The following RAP1GDS1 variants were observed in gnomAD, a reference collection of about 807,000 sequenced individuals.
RAP1GDS1 encodes the protein Rap1 GTPase-GDP dissociation stimulator 1.
Under a neutral mutation model 71.1 loss-of-function variants are expected in RAP1GDS1, and 35 were observed. That is an observed-to-expected ratio of 0.49 (90% CI 0.38 to 0.65). The LOEUF (loss-of-function observed/expected upper bound fraction) is 0.65, where lower values mean the gene tolerates loss of function less well. Ranked by LOEUF, RAP1GDS1 falls within the 30% of genes least tolerant of loss-of-function variation. The pLI, the probability that RAP1GDS1 is intolerant of heterozygous loss-of-function variation, is 0.00. For missense variants in RAP1GDS1, 663 were observed against 706.1 expected (o/e 0.94, Z 0.69); for synonymous variants, 229 against 243.1 (o/e 0.94, Z 0.54).
intron 4 of RAP1GDS1, among the ~76,000 whole-genome samples, chr4:98,370,568 C>CT (rs199686711): frequency 0.12 from 16,453 of 141,576 alleles, 1,253 homozygotes; most frequent in East Asian, 0.4. Flanking sequence ...TGCATTAAAG[C>CT]TTTTTTTTTT....
intron 4 of RAP1GDS1, among the ~76,000 whole-genome samples, chr4:98,355,745 T>TAA (rs1737864613): frequency 6.6e-6 from 1 of 152,204 alleles, no homozygotes; most frequent in Admixed American, 6.5e-5. Flanking sequence ...ATTTCAGTTT[T>TAA]ACCAGCCTTG....
At chr4:98,288,072 G>T (rs1054314156) in intron 1 of RAP1GDS1, among the ~76,000 whole-genome samples, 1 of 151,930 alleles carries the variant, frequency 6.6e-6, no homozygotes, top group Non-Finnish European at 1.5e-5. Context: ...GGGTACATGT[G>T]CACAACATGC....
chr4:98,418,666 G>A lies in RAP1GDS1; in HGVS notation c.1049G>A (p.Cys350Tyr). Residue 350 changes from cysteine (C) to tyrosine (Y), a missense_variant, in exon 10 of 15, where the codon TGT becomes TAT. Coordinates refer to ENST00000408927, the MANE Select transcript of RAP1GDS1 (RefSeq NM_001100427.2). ...IANFARNDAN[C>Y]IHMVDNGIVE... is the part of the protein sequence containing the mutation. Reference sequence around the variant, plus strand: ...GTGTTTTTTTTTTCAGATGCAAATTGTATTCATATGGTAGACAATGGGATT... The same window carrying A: ...GTGTTTTTTTTTTCAGATGCAAATTATATTCATATGGTAGACAATGGGATT... 6.3e-7 allele frequency: 1 copy of A among 1,584,660 alleles called. No individual in the cohort carries two copies. The highest frequency in any genetic ancestry group is 8.6e-7 in the Non-Finnish European group (1 of 1,169,328).
At chr4:98,438,820 C>T (rs1751516188) in intron 14 of RAP1GDS1, among the ~76,000 whole-genome samples, 1 of 151,828 alleles carries the variant, frequency 6.6e-6, no homozygotes, top group Non-Finnish European at 1.5e-5. Context: ...ATACTGAACT[C>T]CTGACCACCC....
intron 4 of RAP1GDS1, among the ~76,000 whole-genome samples, chr4:98,377,933 A>G (rs1423612216): frequency 6.6e-6 from 1 of 151,888 alleles, no homozygotes; most frequent in Non-Finnish European, 1.5e-5. Context: ...GTAAGGGTAT[A>G]AAACACTTGG....
At chr4:98,416,461 C>T (rs1748037982) in intron 7 of RAP1GDS1, among the ~76,000 whole-genome samples, 5 of 150,026 alleles carry the variant, frequency 3.3e-5, no homozygotes. Context: ...ATTCTCCTGC[C>T]TCAGCCTCCT....
intron 7 of RAP1GDS1, among the ~76,000 whole-genome samples, chr4:98,406,116 C>T (rs574024760): frequency 1.3e-5 from 2 of 151,618 alleles, no homozygotes; most frequent in Non-Finnish European, 2.9e-5. Flanking sequence ...TTTTTTAATA[C>T]CCTAGTAATG....
rs1465718934 is a variant in RAP1GDS1, at chr4:98,443,063, A to C, written c.*946A>C. The C allele has an allele frequency of 9.8e-6, 2 of 203,670 alleles. No homozygotes were observed. Among genetic ancestry groups the C allele is most frequent in the Non-Finnish European group, 9.3e-6 (1 of 107,950 alleles). The allele number at this position is 203,670 out of a possible 1,614,324, so 12.6% of individuals were successfully genotyped here. On this transcript the variant is annotated 3_prime_UTR_variant, in exon 15 of 15. Coordinates refer to ENST00000408927, the MANE Select transcript of RAP1GDS1 (RefSeq NM_001100427.2). ...TGCTGTTTTTCATCATTCAGCTAGA[A>C]AGTGAGAAGTTTTATCTTCCATAGT...
rs535832005 is a variant in RAP1GDS1, at chr4:98,277,210, C to T, written c.4+15641C>T. 3.3e-5 allele frequency among the ~76,000 whole-genome samples: 5 copies of T among 152,310 alleles called. No individual in the cohort carries two copies. The South Asian group carries it at 8.3e-4, about 25-fold the overall frequency. On this transcript the variant is annotated intron_variant, in intron 1 of 14. Transcript: ENST00000408927. ...ATGGAAAACTGTTGTCCCTTTCGGACATTTCCACTAACAGAATCCAGACAC... is the reference window on the plus strand; with the variant it reads ...ATGGAAAACTGTTGTCCCTTTCGGATATTTCCACTAACAGAATCCAGACAC...
intron 2 of RAP1GDS1, among the ~76,000 whole-genome samples, chr4:98,319,323 C>T (rs143810100): frequency 0.012 from 1,863 of 152,138 alleles, 57 homozygotes; most frequent in East Asian, 0.036. Context: ...GTGATAATAT[C>T]GTACTCCCTT....
At chr4:98,406,250 T>C (rs900615620) in intron 7 of RAP1GDS1, among the ~76,000 whole-genome samples, 1 of 152,000 alleles carries the variant, frequency 6.6e-6, no homozygotes, top group Non-Finnish European at 1.5e-5. Flanking sequence ...AATGCTCTAA[T>C]TAAAAGACCA....
chr4:98,382,584 A>G (rs1056794175), intron 5 of RAP1GDS1, among the ~76,000 whole-genome samples: 1 of 151,512 alleles, frequency 6.6e-6, no homozygotes, highest in Non-Finnish European at 1.5e-5. Flanking sequence ...TTTTAATCTC[A>G]TTAGTTTGTT....
intron 1 of RAP1GDS1, among the ~76,000 whole-genome samples, chr4:98,266,556 G>A (rs1722738150): frequency 6.6e-6 from 1 of 152,016 alleles, no homozygotes; most frequent in South Asian, 2.1e-4. Flanking sequence ...TACTAATTTT[G>A]CCTGATCTTT....
intron 4 of RAP1GDS1, among the ~76,000 whole-genome samples, chr4:98,361,932 A>G (rs1578587509): frequency 6.6e-6 from 1 of 152,222 alleles, no homozygotes; most frequent in South Asian, 2.1e-4. Context: ...TACTTATGTA[A>G]TATGTTATAG....
At chr4:98,345,020 AC>A (rs1020542892) in intron 3 of RAP1GDS1, among the ~76,000 whole-genome samples, 3 of 152,118 alleles carry the variant, frequency 2.0e-5, no homozygotes, top group Admixed American at 6.6e-5. Context: ...TTTTGTAAAG[AC>A]AAGGTCTCCC....
chr4:98,370,348 A>G (rs1413895741), intron 4 of RAP1GDS1, among the ~76,000 whole-genome samples: 1 of 152,182 alleles, frequency 6.6e-6, no homozygotes, highest in Non-Finnish European at 1.5e-5. Flanking sequence ...AACTAGAGAA[A>G]ACATGTTAAT....
At chr4:98,431,970 A>G (rs1455137673) in intron 12 of RAP1GDS1, among the ~76,000 whole-genome samples, 4 of 152,118 alleles carry the variant, frequency 2.6e-5, no homozygotes, top group African/African-American at 9.7e-5. Flanking sequence ...TCTAGGGTAC[A>G]TGTGCACAAC....
At chr4:98,344,800 G>A (rs1735988576) in intron 3 of RAP1GDS1, among the ~76,000 whole-genome samples, 1 of 152,042 alleles carries the variant, frequency 6.6e-6, no homozygotes, top group Non-Finnish European at 1.5e-5. Context: ...TGAGAAAGTG[G>A]ACCAGAGTCT....
At chr4:98,421,478 A>G (rs1748848078) in intron 12 of RAP1GDS1, 84 bp downstream of exon 12, 5 of 1,309,028 alleles carry the variant, frequency 3.8e-6, no homozygotes, top group African/African-American at 1.5e-5. Flanking sequence ...AACAACTGGG[A>G]TAATATTTAC....
Sources: gnomAD v4.1 joint callset for allele counts (sites outside exome capture counted in the v4.1 genomes callset) on GRCh38, gnomAD v4.1.1 for gene constraint, MANE v1.5 for transcripts, NCBI Gene and HGNC (gene_info 2026-07-23, HGNC 2026-07-21) for gene names.